Variants in ZFHX3 observed in about 807,000 individuals in gnomAD.
The protein encoded by ZFHX3 is zinc finger homeobox protein 3.
In ZFHX3, 42 loss-of-function variants were observed where a neutral mutation model predicts 279.1. That is an observed-to-expected ratio of 0.15 (90% CI 0.12 to 0.19). ZFHX3 has a LOEUF of 0.19. ZFHX3 is among the 10% of genes least tolerant of loss of function. ZFHX3 has a pLI of 1.00. For synonymous variants in ZFHX3, 2,293 were observed against 1,957.8 expected, an observed-to-expected ratio of 1.17 and a Z score of -4.52; for missense variants, 4,981 against 4,754.0, an observed-to-expected ratio of 1.05 and a Z score of -1.40.
chr16:73,487,651 C>A lies in ZFHX3; in HGVS notation c.-1546-31393G>T, dbSNP rs2018997988. 1.7e-5 allele frequency: 4 copies of A among 241,898 alleles called. No individual in the cohort carries two copies. In the South Asian group the frequency reaches 1.7e-4, roughly 10 times the overall value. The allele number at this position is 241,898 out of a possible 1,614,324, so 15.0% of individuals were successfully genotyped here. ...TCAACTCCTGGGCTCAAGTGATACT[C>A]ACCTCAGCCTCCCAAAGTGATGGAA... On this transcript the variant is annotated intron_variant, in intron 2 of 17. Transcript: ENST00000641206.
intron 5 of ZFHX3, among the ~76,000 whole-genome samples, chr16:73,173,008 G>GTTTTTTTTTTTTTTTTTTT (rs869289153): frequency 4.8e-4 from 24 of 49,942 alleles, no homozygotes; most frequent in Admixed American, 1.2e-3. Flanking sequence ...TTTTTTTTTT[G>GTTTTTTTTTTTTTTTTTTT]TTTTTTTTTT....
At chr16:73,855,525 A>T (rs1961706068) in intron 1 of ZFHX3, among the ~76,000 whole-genome samples, 1 of 152,040 alleles carries the variant, frequency 6.6e-6, no homozygotes, top group Admixed American at 6.5e-5. Flanking sequence ...GAGGAGGAGG[A>T]GGAATATTCC....
chr16:73,396,748 A>G (rs552707049), intron 3 of ZFHX3, among the ~76,000 whole-genome samples: 1 of 152,196 alleles, frequency 6.6e-6, no homozygotes, highest in Non-Finnish European at 1.5e-5. Context: ...ACCTCCCACC[A>G]GGTCCCTCCC....
intron 4 of ZFHX3, among the ~76,000 whole-genome samples, chr16:72,839,528 G>A (rs568044598): frequency 6.6e-6 from 1 of 152,178 alleles, no homozygotes; most frequent in African/African-American, 2.4e-5. Context: ...AAACAAAGGA[G>A]TCAAGAAAAA....
At chr16:72,982,476 G>A (rs574614422) in intron 1 of ZFHX3, among the ~76,000 whole-genome samples, 1 of 152,124 alleles carries the variant, frequency 6.6e-6, no homozygotes, top group Non-Finnish European at 1.5e-5. Context: ...CCTACCTGCT[G>A]CATGCCTAAG....
intron 1 of ZFHX3, among the ~76,000 whole-genome samples, chr16:72,960,609 A>T (rs968408402): frequency 6.6e-6 from 1 of 152,174 alleles, no homozygotes; most frequent in Non-Finnish European, 1.5e-5. Flanking sequence ...GCTCACACGA[A>T]GTCAGCCCCG....
intron 2 of ZFHX3, among the ~76,000 whole-genome samples, chr16:73,615,293 G>T (rs2143891703): frequency 6.6e-6 from 1 of 152,236 alleles, no homozygotes; most frequent in South Asian, 2.1e-4. Context: ...AATAGCCAGA[G>T]ATGACGGATG....
chr16:72,960,138 C>T lies in ZFHX3; in HGVS notation c.8G>A (p.Gly3Asp). Reference sequence around the variant, plus strand: ...CCCCGAGACGACGGGCGAGTCACAGCCTTCCATGGTAAGGCCTGCGTGGAG... The same window carrying T: ...CCCCGAGACGACGGGCGAGTCACAGTCTTCCATGGTAAGGCCTGCGTGGAG... ME[G>D]CDSPVVSGKD... The change falls in exon 2 of 10, where the codon GGC becomes GAC. Residue 3 changes from glycine to aspartate, a missense_variant. Gly to Asp is a moderately conservative substitution (Grantham distance 94). Transcript: ENST00000268489. The T allele has an allele frequency of 6.3e-7, 1 of 1,576,364 alleles. No homozygotes were observed. Among genetic ancestry groups the T allele is most frequent in the Non-Finnish European group, 8.6e-7 (1 of 1,159,536 alleles).
intron 2 of ZFHX3, among the ~76,000 whole-genome samples, chr16:73,457,623 A>G (rs1340063424): frequency 6.6e-6 from 1 of 152,134 alleles, no homozygotes; most frequent in Non-Finnish European, 1.5e-5. Flanking sequence ...AAATACAAAA[A>G]TTAACCTGGC....
chr16:73,580,942 C>G (rs953536894), intron 2 of ZFHX3, among the ~76,000 whole-genome samples: 1 of 151,778 alleles, frequency 6.6e-6, no homozygotes, highest in Non-Finnish European at 1.5e-5. Context: ...TTGCCACAGG[C>G]TGAACCCAGT....
intron 2 of ZFHX3, among the ~76,000 whole-genome samples, chr16:73,559,341 C>T (rs1228141869): frequency 6.6e-6 from 1 of 152,156 alleles, no homozygotes; most frequent in Admixed American, 6.5e-5. Context: ...AGCCACCACA[C>T]CCCGTCTCCC....
chr16:73,150,346 C>T (rs1212199793), intron 5 of ZFHX3, among the ~76,000 whole-genome samples: 1 of 152,124 alleles, frequency 6.6e-6, no homozygotes, highest in African/African-American at 2.4e-5. Flanking sequence ...AGTAAGATGG[C>T]CCTGGGTTCA....
intron 3 of ZFHX3, among the ~76,000 whole-genome samples, chr16:73,443,684 A>T (rs1349635697): frequency 6.6e-6 from 1 of 151,930 alleles, no homozygotes; most frequent in Non-Finnish European, 1.5e-5. Flanking sequence ...CTCTCTATGG[A>T]TATGGAGAAT....
intron 1 of ZFHX3, among the ~76,000 whole-genome samples, chr16:73,685,685 G>C (rs2053075274): frequency 6.6e-6 from 1 of 152,164 alleles, no homozygotes; most frequent in South Asian, 2.1e-4. Context: ...TTTCTTTGTG[G>C]GTCTTTATAA....
intron 1 of ZFHX3, among the ~76,000 whole-genome samples, chr16:73,837,843 T>C (rs1961185137): frequency 6.6e-6 from 1 of 152,094 alleles, no homozygotes; most frequent in African/African-American, 2.4e-5. Context: ...TCCATGTTGG[T>C]CAGGCCGGTC....
rs189158007 is a variant in ZFHX3, at chr16:73,123,038, G to A, written c.-897+7930C>T. ...ATTATTTTCAGTCTGGTGGTAACAGGCAGGAAGAGTGTCAGATGTTCACCA... is the reference window on the plus strand; with the variant it reads ...ATTATTTTCAGTCTGGTGGTAACAGACAGGAAGAGTGTCAGATGTTCACCA... On this transcript the variant is annotated intron_variant, in intron 7 of 17. Coordinates refer to the ZFHX3 transcript ENST00000641206. 4.6e-5 allele frequency among the ~76,000 whole-genome samples: 7 copies of A among 152,102 alleles called. No individual in the cohort carries two copies. The East Asian group carries it at 1.4e-3, about 29-fold the overall frequency.
At chr16:73,815,536 C>T (rs2142342000) in intron 1 of ZFHX3, 1 of 152,018 alleles carries the variant, frequency 6.6e-6, no homozygotes, top group Non-Finnish European at 1.5e-5. Flanking sequence ...ATCTCATCTA[C>T]TGTTTACCTA....
rs377513972 is a variant in ZFHX3, at chr16:72,800,020, T to C, written c.3967+7A>G. On this transcript the variant is annotated splice_region_variant and intron_variant, in intron 8 of 9. Transcript: ENST00000268489. Reference sequence around the variant, plus strand: ...AATTTCTTGGGGTCAAGAATAATGATACTGACCAGGCTGCTTTCCTGCCTC... The same window carrying C: ...AATTTCTTGGGGTCAAGAATAATGACACTGACCAGGCTGCTTTCCTGCCTC... The C allele has an allele frequency of 9.9e-6, 16 of 1,613,450 alleles. No homozygotes were observed. The highest frequency in any genetic ancestry group is 2.2e-5 in the South Asian group (2 of 91,080).
intron 1 of ZFHX3, among the ~76,000 whole-genome samples, chr16:73,002,521 A>C (rs1334218614): frequency 3.3e-5 from 5 of 152,178 alleles, no homozygotes; most frequent in Non-Finnish European, 5.9e-5. Context: ...ATTCAGTGAC[A>C]TATCAGAAAG....
Sources: gnomAD v4.1 joint callset for allele counts (sites outside exome capture counted in the v4.1 genomes callset) on GRCh38, gnomAD v4.1.1 for gene constraint, MANE v1.5 for transcripts, NCBI Gene and HGNC (gene_info 2026-07-23, HGNC 2026-07-21) for gene names.